Variants in OCLN observed in about 807,000 individuals in gnomAD.
The protein encoded by OCLN is phosphatase 1, regulatory subunit 115.
In OCLN, 21 loss-of-function variants were observed where a neutral mutation model predicts 47.9. The ratio of observed to expected loss-of-function variants is 0.44; its 90% CI spans 0.31 to 0.63. OCLN has a LOEUF of 0.63. Ranked by LOEUF, OCLN falls within the 30% of genes least tolerant of loss-of-function variation. The probability of loss-of-function intolerance (pLI) is 0.08; values close to 1 mark genes in which losing one functional copy is unlikely to be tolerated. For synonymous variants in OCLN, 117 were observed against 198.4 expected, an observed-to-expected ratio of 0.59 and a Z score of 3.45; for missense variants, 360 against 571.0, an observed-to-expected ratio of 0.63 and a Z score of 3.77.
chr5:69,518,043 A>G (rs1197965407), intron 4 of OCLN, among the ~76,000 whole-genome samples: 4 of 152,230 alleles, frequency 2.6e-5, no homozygotes, highest in Admixed American at 2.6e-4. Context: ...TTAGAGTCCC[A>G]GTGAACTTTG....
intron 3 of OCLN, among the ~76,000 whole-genome samples, chr5:69,511,775 A>G (rs1388112024): frequency 9.9e-5 from 15 of 152,098 alleles, no homozygotes. Context: ...CTGTAATCCC[A>G]GCACTTTGGA....
At chr5:69,526,743 G>A (rs377045871) in intron 4 of OCLN, among the ~76,000 whole-genome samples, 6 of 152,340 alleles carry the variant, frequency 3.9e-5, no homozygotes, top group Middle Eastern at 3.4e-3. Flanking sequence ...TCTTGGAAGC[G>A]TAGCTTCTGG....
At chr5:69,512,712 A>G (rs139909499) in intron 3 of OCLN, among the ~76,000 whole-genome samples, 28 of 152,322 alleles carry the variant, frequency 1.8e-4, no homozygotes, top group African/African-American at 6.7e-4. Flanking sequence ...AGGTCTTGTT[A>G]AACTTCTTTT....
chr5:69,494,599 T>G (rs954455048), intron 1 of OCLN, among the ~76,000 whole-genome samples: 4 of 152,206 alleles, frequency 2.6e-5, no homozygotes, highest in African/African-American at 9.7e-5. Context: ...TTGCAATTTA[T>G]TTAGTTATTA....
At position 69,553,729 on chromosome 5, in the gene OCLN, A is replaced by C. The variant is rs575798550; in HGVS notation, c.*58A>C. 1.8e-5 allele frequency: 28 copies of C among 1,595,694 alleles called. No homozygotes were observed. The highest frequency in any genetic ancestry group is 2.3e-5 in the Non-Finnish European group (27 of 1,164,908). On this transcript the variant is annotated 3_prime_UTR_variant, in exon 9 of 9. Transcript: ENST00000396442. The stretch of plus-strand genomic sequence containing the variant: ...TATCTGACATCTCTGCAATCTTCTC[A>C]GAAGGCAAATGACTTTGGACCATAA...
chr5:69,518,671 G>A (rs1769044093), intron 4 of OCLN, among the ~76,000 whole-genome samples: 1 of 152,204 alleles, frequency 6.6e-6, no homozygotes, highest in South Asian at 2.1e-4. Flanking sequence ...ACTGTTCACA[G>A]TGGAGTAGAT....
chr5:69,520,589 G>C (rs1769108896), intron 4 of OCLN, among the ~76,000 whole-genome samples: 1 of 152,104 alleles, frequency 6.6e-6, no homozygotes, highest in Non-Finnish European at 1.5e-5. Context: ...ACCATGCCTG[G>C]CCTGGGGTAC....
intron 4 of OCLN, among the ~76,000 whole-genome samples, chr5:69,523,744 C>A (rs1407486579): frequency 4.6e-5 from 7 of 151,990 alleles, no homozygotes; most frequent in Non-Finnish European, 8.8e-5. Context: ...CCACGTTGGC[C>A]AGGCTGGTCT....
chr5:69,520,569 G>A (rs926113878), intron 4 of OCLN, among the ~76,000 whole-genome samples: 2 of 152,142 alleles, frequency 1.3e-5, no homozygotes, highest in African/African-American at 2.4e-5. Flanking sequence ...TGGGATTACA[G>A]GCGTGAGCCA....
intron 1 of OCLN, among the ~76,000 whole-genome samples, chr5:69,496,665 C>G (rs762885023): frequency 2.6e-5 from 4 of 151,024 alleles, no homozygotes; most frequent in Non-Finnish European, 5.9e-5. Flanking sequence ...CTTGGCTTCC[C>G]AAAGTACTGG....
rs759451903 is a variant in OCLN at position 69,509,403 on chromosome 5, C to T, written c.313C>T (p.Pro105Ser). 5.6e-6 allele frequency: 9 copies of T among 1,613,988 alleles called. No individual in the cohort carries two copies. In the Admixed American group the frequency reaches 1.5e-4, roughly 27 times the overall value. ...TSLLGGSVGY[P>S]YGGSGFGSYG... Reference sequence around the variant, plus strand: ...CCTTTTAGGAGGTAGTGTAGGCTACCCTTATGGAGGAAGTGGCTTTGGTAG... The same window carrying T: ...CCTTTTAGGAGGTAGTGTAGGCTACTCTTATGGAGGAAGTGGCTTTGGTAG... Residue 105 changes from proline (P) to serine (S), a missense_variant, in exon 3 of 9, where the codon CCT becomes TCT. This residue lies in a region of OCLN where 314 missense variants were observed against 368.1 expected (regional missense o/e 0.85). Transcript: ENST00000396442.
chr5:69,534,861 T>C, intron 5 of OCLN, 22 bp downstream of exon 5: 7 of 1,518,056 alleles, frequency 4.6e-6, no homozygotes, highest in Non-Finnish European at 6.2e-6. Flanking sequence ...CTCTCTTAGT[T>C]TGATAGACTG....
chr5:69,505,769 G>GT (rs1182301443), intron 2 of OCLN, among the ~76,000 whole-genome samples: 3 of 152,174 alleles, frequency 2.0e-5, no homozygotes, highest in African/African-American at 7.2e-5. Context: ...GTAGTGGAGT[G>GT]TGATATAGGC....
chr5:69,507,343 C>T (rs1768635782), intron 2 of OCLN, among the ~76,000 whole-genome samples: 1 of 152,158 alleles, frequency 6.6e-6, no homozygotes, highest in Admixed American at 6.5e-5. Context: ...CCATGTTGGC[C>T]AGGCTGGTCT....
chr5:69,499,622 G>A (rs370468137), intron 1 of OCLN, among the ~76,000 whole-genome samples: 2 of 151,060 alleles, frequency 1.3e-5, no homozygotes, highest in South Asian at 2.1e-4. Flanking sequence ...GTCTCGCTCC[G>A]TCGCCAGGCT....
chr5:69,553,458 A>G (rs1051592573), intron 8 of OCLN, 112 bp from the exon 9 acceptor site: 1 of 1,125,002 alleles, frequency 8.9e-7, no homozygotes, highest in Admixed American at 2.4e-5. Context: ...TTCAATTAAC[A>G]CTCCCAGCAA....
chr5:69,505,278 CA>C (rs1334633882), intron 2 of OCLN, among the ~76,000 whole-genome samples: 15 of 152,050 alleles, frequency 9.9e-5, no homozygotes, highest in Non-Finnish European at 2.1e-4. Flanking sequence ...ATAAAAATAA[CA>C]GCTTTATTGA....
intron 1 of OCLN, among the ~76,000 whole-genome samples, chr5:69,498,125 C>T (rs1476564242): frequency 6.6e-6 from 1 of 151,652 alleles, no homozygotes; most frequent in Non-Finnish European, 1.5e-5. Context: ...GAGCGAGACT[C>T]CGTCTCAAAA....
At chr5:69,537,190 T>C (rs1224163781) in intron 5 of OCLN, among the ~76,000 whole-genome samples, 1 of 13,526 alleles carries the variant, frequency 7.4e-5, no homozygotes, top group African/African-American at 2.2e-4. Flanking sequence ...TTCTATAAGC[T>C]TTTTTTTTTT....
Sources: allele counts gnomAD v4.1 joint callset (sites outside exome capture counted in the v4.1 genomes callset), GRCh38; gene constraint gnomAD v4.1.1; regional missense constraint gnomAD v4.1.1; transcripts MANE v1.5; gene names NCBI Gene and HGNC (gene_info 2026-07-23, HGNC 2026-07-21).